YKT6: variants seen among roughly 807,000 people sequenced by gnomAD.
The protein encoded by YKT6 is YKT6 vesicular SNARE protein.
Under a neutral mutation model 29.3 loss-of-function variants are expected in YKT6, and 12 were observed. The ratio of observed to expected loss-of-function variants is 0.41; its 90% CI spans 0.26 to 0.66. The LOEUF (loss-of-function observed/expected upper bound fraction) is 0.66. Ranked by LOEUF, YKT6 falls within the 30% of genes least tolerant of loss-of-function variation. YKT6 has a pLI of 0.32. For synonymous variants in YKT6, 86 were observed against 94.3 expected (o/e 0.91, Z 0.51); for missense variants, 188 against 243.8 (o/e 0.77, Z 1.52).
intron 3 of YKT6, 182 bp from the exon 4 acceptor site, chr7:44,207,206 T>G: frequency 2.0e-6 from 1 of 502,792 alleles, no homozygotes; most frequent in East Asian, 3.2e-5. Flanking sequence ...TGATAAAAAT[T>G]TGGAAAGAAC....
Position 44,207,439 on chromosome 7 carries a change from T to G in YKT6, c.340T>G (p.Ser114Ala), listed in dbSNP as rs1299696747. The change falls in exon 4 of 7, where the codon TCC becomes GCC. Residue 114 changes from serine to alanine, a missense_variant. This residue lies in a region of YKT6 where 100 missense variants were observed against 136.3 expected (regional missense o/e 0.73). Coordinates refer to ENST00000223369, the MANE Select transcript of YKT6 (RefSeq NM_006555.4). ...CGACAGGATAGACTGGCCAGTAGGA[T>G]CCCCTGCTACAATCCATTACCCAGC... is the stretch of plus-strand genomic sequence containing the variant. The part of the protein sequence containing the change: ...QVDRIDWPVG[S>A]PATIHYPALD... The G allele has an allele frequency of 6.2e-7, 1 of 1,614,038 alleles. No homozygotes were observed. The highest frequency in any genetic ancestry group is 1.7e-5 in the Admixed American group (1 of 60,012).
intron 1 of YKT6, among the ~76,000 whole-genome samples, chr7:44,203,706 TG>T (rs1217592492): frequency 5.9e-5 from 9 of 152,240 alleles, no homozygotes; most frequent in Admixed American, 2.6e-4. Context: ...CTCGTTTAAC[TG>T]TTGCACAAAT....
intron 5 of YKT6, among the ~76,000 whole-genome samples, chr7:44,209,234 C>T (rs1370802011): frequency 1.3e-5 from 2 of 152,190 alleles, no homozygotes; most frequent in African/African-American, 2.4e-5. Flanking sequence ...TCAGCGTCTC[C>T]TGGGGTTGGA....
intron 1 of YKT6, among the ~76,000 whole-genome samples, chr7:44,203,167 C>T (rs1053278061): frequency 1.3e-5 from 2 of 152,204 alleles, no homozygotes; most frequent in Non-Finnish European, 2.9e-5. Flanking sequence ...AGTGTCAGCT[C>T]ACTGCAACCT....
rs548357510 is a variant in YKT6, at chr7:44,201,015, C to T, written c.-121C>T. On this transcript the variant is annotated 5_prime_UTR_variant, in exon 1 of 7. Transcript: ENST00000223369. Reference sequence around the variant, plus strand: ...AGGAGGAGGAAGCCGGCGGTGGCCCCGTCAGCAGCCGGCTGCTGAGAGGCC... The same window carrying T: ...AGGAGGAGGAAGCCGGCGGTGGCCCTGTCAGCAGCCGGCTGCTGAGAGGCC... 8.0e-6 allele frequency: 6 copies of T among 748,804 alleles called. No individual in the cohort carries two copies. The highest frequency in any genetic ancestry group is 6.2e-5 in the South Asian group (3 of 48,728). The allele number at this position is 748,804 out of a possible 1,614,324, so 46.4% of individuals were successfully genotyped here.
intron 1 of YKT6, 70 bp downstream of exon 1, chr7:44,201,309 T>G: frequency 2.1e-6 from 2 of 948,452 alleles, no homozygotes; most frequent in Non-Finnish European, 1.4e-6. Flanking sequence ...CGAGTCGGAG[T>G]GGGCCTGGGG....
intron 2 of YKT6, 81 bp from the exon 3 acceptor site, chr7:44,206,304 G>C: frequency 7.0e-7 from 1 of 1,429,244 alleles, no homozygotes. Flanking sequence ...GCCTAACATT[G>C]GATGCTTTGA....
At position 44,210,208 on chromosome 7, in the gene YKT6, C is replaced by T. The variant is rs141294280; in HGVS notation, c.460-815C>T. Among the ~76,000 whole-genome samples the T allele has an allele frequency of 2.5e-3, 375 of 152,252 alleles. 2 individuals carry two copies. Among genetic ancestry groups the T allele is most frequent in the African/African-American group, 7.5e-3 (312 of 41,542 alleles). ...CAAGTGCTCAATAGCCATTTCCCAC[C>T]GCCTTTTGTTTCCTGTGGCTGCTGT... is the stretch of plus-strand genomic sequence containing the variant. On this transcript the variant is annotated intron_variant, in intron 5 of 6. Coordinates refer to ENST00000223369, the MANE Select transcript of YKT6 (RefSeq NM_006555.4).
intron 3 of YKT6, among the ~76,000 whole-genome samples, chr7:44,206,949 GT>G (rs1583647172): frequency 1.3e-5 from 2 of 152,140 alleles, no homozygotes; most frequent in East Asian, 3.9e-4. Flanking sequence ...ACTCTTTGAA[GT>G]CAGAGGCTTC....
rs568922474 is a variant in YKT6, at chr7:44,209,037, C to T, written c.459+839C>T. On this transcript the variant is annotated intron_variant, in intron 5 of 6. Coordinates refer to ENST00000223369, the MANE Select transcript of YKT6 (RefSeq NM_006555.4). ...AGGTTGGGCCTTTCTGACCAGATGT[C>T]ACAGTTTTGTCACTGCTTGTTTACA... Among the ~76,000 whole-genome samples, 121 of 152,358 alleles carry T rather than the reference C, an allele frequency of 7.9e-4. 1 individual carries two copies. Among genetic ancestry groups the T allele is most frequent in the African/African-American group, 2.6e-3 (109 of 41,580 alleles).
chr7:44,201,018 C>A lies in YKT6; in HGVS notation c.-118C>A, dbSNP rs531231812. 2 of 786,762 alleles carry A rather than the reference C, an allele frequency of 2.5e-6. No homozygotes were observed. The highest frequency in any genetic ancestry group is 3.8e-6 in the Non-Finnish European group (2 of 522,872). The allele number at this position is 786,762 out of a possible 1,614,324, so 48.7% of individuals were successfully genotyped here. ...AGGAGGAAGCCGGCGGTGGCCCCGTCAGCAGCCGGCTGCTGAGAGGCCGGT... is the reference window on the plus strand; with the variant it reads ...AGGAGGAAGCCGGCGGTGGCCCCGTAAGCAGCCGGCTGCTGAGAGGCCGGT... On this transcript the variant is annotated 5_prime_UTR_variant, in exon 1 of 7. Coordinates refer to ENST00000223369, the MANE Select transcript of YKT6 (RefSeq NM_006555.4).
chr7:44,212,188 T>G, intron 6 of YKT6, 59 bp from the exon 7 acceptor site: 1 of 1,609,000 alleles, frequency 6.2e-7, no homozygotes, highest in Non-Finnish European at 8.5e-7. Flanking sequence ...CCTGCCAGGA[T>G]TGGGGCTTCC....
At chr7:44,204,483 A>T in intron 1 of YKT6, 85 bp from the exon 2 acceptor site, 1 of 1,306,124 alleles carries the variant, frequency 7.7e-7, no homozygotes, top group Non-Finnish European at 1.1e-6. Flanking sequence ...ATGTCTACTT[A>T]ATGTATAAGC....
At chr7:44,208,356 G>C (rs539309769) in intron 5 of YKT6, 158 bp downstream of exon 5, 9 of 743,224 alleles carry the variant, frequency 1.2e-5, no homozygotes, top group African/African-American at 1.0e-4. Context: ...CCGGGCATCA[G>C]ACTGTCTTTC....
intron 2 of YKT6, 128 bp downstream of exon 2, chr7:44,204,778 T>C: frequency 1.3e-6 from 1 of 787,264 alleles, no homozygotes; most frequent in Non-Finnish European, 2.0e-6. Context: ...CTTTCCCACC[T>C]CTTCCTTTTC....
chr7:44,201,028 C>T lies in YKT6; in HGVS notation c.-108C>T. ...CGGCGGTGGCCCCGTCAGCAGCCGG[C>T]TGCTGAGAGGCCGGTAGGCGGCGGC... On this transcript the variant is annotated 5_prime_UTR_variant, in exon 1 of 7. Transcript: ENST00000223369. 2.2e-6 allele frequency: 2 copies of T among 898,656 alleles called. No homozygotes were observed. Among genetic ancestry groups the T allele is most frequent in the Non-Finnish European group, 3.2e-6 (2 of 621,308 alleles). The allele number at this position is 898,656 out of a possible 1,614,324, so 55.7% of individuals were successfully genotyped here.
chr7:44,206,994 A>T (rs2096341574), intron 3 of YKT6, among the ~76,000 whole-genome samples: 1 of 152,142 alleles, frequency 6.6e-6, no homozygotes, highest in African/African-American at 2.4e-5. Flanking sequence ...ATACCTCCAA[A>T]CACATGGAAT....
chr7:44,202,163 C>A (rs898536576), intron 1 of YKT6, among the ~76,000 whole-genome samples: 3 of 152,032 alleles, frequency 2.0e-5, no homozygotes, highest in Middle Eastern at 3.4e-3. Flanking sequence ...TTCCCTGCTT[C>A]AGTGCAGCTG....
Position 44,213,446 on chromosome 7 carries a change from G to A in YKT6, c.*1164G>A, listed in dbSNP as rs1281416681. On this transcript the variant is annotated 3_prime_UTR_variant, in exon 7 of 7. Coordinates refer to ENST00000223369, the MANE Select transcript of YKT6 (RefSeq NM_006555.4). Reference sequence around the variant, plus strand: ...TGGTCTAAGCTGTGCCCTGCCACCTGGCAGGAGGCCCACTCACTGCCCAAG... The same window carrying A: ...TGGTCTAAGCTGTGCCCTGCCACCTAGCAGGAGGCCCACTCACTGCCCAAG... The A allele has an allele frequency of 6.6e-6, 1 of 152,356 alleles. No individual in the cohort carries two copies. Among genetic ancestry groups the A allele is most frequent in the African/African-American group, 2.4e-5 (1 of 41,466 alleles). 9.4% of individuals were successfully genotyped at this position (152,356 alleles called of 1,614,324 possible). A position where few individuals can be genotyped will look rare whatever the true frequency, so the allele number is the denominator to read the frequency against.
Sources: gnomAD v4.1 joint callset for allele counts (sites outside exome capture counted in the v4.1 genomes callset) on GRCh38, gnomAD v4.1.1 for gene constraint, gnomAD v4.1.1 regional missense constraint, MANE v1.5 for transcripts, NCBI Gene and HGNC (gene_info 2026-07-23, HGNC 2026-07-21) for gene names.